Variants in KCNQ1 observed in about 807,000 individuals in gnomAD.
The protein encoded by KCNQ1 is potassium voltage-gated channel subfamily Q member 1, also known as potassium voltage-gated channel subfamily KQT member 1.
Under a neutral mutation model 72.4 loss-of-function variants are expected in KCNQ1, and 49 were observed. The observed-to-expected ratio is 0.68, with a 90% confidence interval of 0.54 to 0.86. KCNQ1 has a LOEUF of 0.86. KCNQ1 is among the 40% of genes least tolerant of loss of function. The pLI is 0.00. For synonymous variants in KCNQ1, 450 were observed against 412.6 expected, an observed-to-expected ratio of 1.09 and a Z score of -1.10; for missense variants, 790 against 945.1, an observed-to-expected ratio of 0.84 and a Z score of 2.15.
chr11:2,662,470 G>T (rs1012630863), intron 11 of KCNQ1: 15 of 469,154 alleles, frequency 3.2e-5, no homozygotes, highest in Non-Finnish European at 5.6e-5. Flanking sequence ...GATGCCGGGT[G>T]CAGTCTGCCA....
Position 2,682,301 on chromosome 11 carries a change from C to T in KCNQ1, c.1514+20220C>T, listed in dbSNP as rs1590029170. On this transcript the variant is annotated intron_variant, in intron 11 of 15. Transcript: ENST00000155840. The surrounding 1 kb of genome is among the most constrained non-coding windows in gnomAD (Gnocchi z 5.8). ...GGGCTGTAAAAAATCACATACCTCC[C>T]CTCCCATTCTTAATGTGTAACTGTG... 2.5e-6 allele frequency: 1 copy of T among 398,636 alleles called. No individual in the cohort carries two copies. Among genetic ancestry groups the T allele is most frequent in the Non-Finnish European group, 4.4e-6 (1 of 226,078 alleles). 24.7% of individuals were successfully genotyped at this position (398,636 alleles called of 1,614,324 possible).
rs1848928221 is a variant in KCNQ1, at chr11:2,608,899, C to T, written c.1393+20045C>T. On this transcript the variant is annotated intron_variant, in intron 10 of 15. Transcript: ENST00000155840. The surrounding 1 kb of genome is among the most constrained non-coding windows in gnomAD (Gnocchi z 4.6). The stretch of plus-strand genomic sequence containing the variant: ...ACTTCCCTCTCTGTCTTTCCTCCTC[C>T]CCCTCTTTCTTCCTCCCCTTCTTTT... 2.5e-6 allele frequency: 1 copy of T among 398,278 alleles called. No homozygotes were observed. Among genetic ancestry groups the T allele is most frequent in the Non-Finnish European group, 4.4e-6 (1 of 226,000 alleles). The allele number at this position is 398,278 out of a possible 1,614,324, so 24.7% of individuals were successfully genotyped here. A position where few individuals can be genotyped will look rare whatever the true frequency, so the allele number is the denominator to read the frequency against.
chr11:2,646,869 T>C, intron 10 of KCNQ1: 1 of 398,678 alleles, frequency 2.5e-6, no homozygotes, highest in Non-Finnish European at 4.4e-6. Context: ...TGAATTCCTT[T>C]ACCAGTTCTA....
At chr11:2,714,077 C>G (rs531425692) in intron 11 of KCNQ1, among the ~76,000 whole-genome samples, 2 of 152,110 alleles carry the variant, frequency 1.3e-5, no homozygotes, top group African/African-American at 4.8e-5. Flanking sequence ...GCCAAGGATG[C>G]GGGCCAGGAC....
chr11:2,740,002 T>G (rs897157447), intron 11 of KCNQ1, among the ~76,000 whole-genome samples: 2 of 152,232 alleles, frequency 1.3e-5, no homozygotes, highest in African/African-American at 4.8e-5. Context: ...AGGCTCCTTG[T>G]GGAGCTGTGC....
rs1849885605 is a variant in KCNQ1, at chr11:2,658,157, C to T, written c.1394-3804C>T. ...TAAAACTACCACAGCAATTAAAATA[C>T]ATTTCAAGGAAGAAACTGTGAAGTT... is the stretch of plus-strand genomic sequence containing the variant. On this transcript the variant is annotated intron_variant, in intron 10 of 15. Coordinates refer to ENST00000155840, the MANE Select transcript of KCNQ1 (RefSeq NM_000218.3). This position sits in a 1 kb window ranked among gnomAD's most constrained non-coding sequence, Gnocchi z 4.9. 4 of 398,468 alleles carry T rather than the reference C, an allele frequency of 1.0e-5. No homozygotes were observed. Among genetic ancestry groups the T allele is most frequent in the Non-Finnish European group, 1.8e-5 (4 of 226,044 alleles). The allele number at this position is 398,468 out of a possible 1,614,324, so 24.7% of individuals were successfully genotyped here.
chr11:2,618,114 G>A (rs999744756), intron 10 of KCNQ1: 11 of 398,276 alleles, frequency 2.8e-5, no homozygotes, highest in African/African-American at 4.1e-5. Flanking sequence ...GAGCCATGTC[G>A]AGCTTTTCCC....
At chr11:2,771,354 C>T (rs998041274) in intron 12 of KCNQ1, 6 of 152,234 alleles carry the variant, frequency 3.9e-5, no homozygotes, top group Non-Finnish European at 7.3e-5. Context: ...ATAATAACTA[C>T]CATGGCTTCC....
chr11:2,498,821 A>C lies in KCNQ1; in HGVS notation c.387-29107A>C, dbSNP rs756573552. 6.6e-6 allele frequency among the ~76,000 whole-genome samples: 1 copy of C among 152,260 alleles called. No individual in the cohort carries two copies. Among genetic ancestry groups the C allele is most frequent in the African/African-American group, 2.4e-5 (1 of 41,476 alleles). On this transcript the variant is annotated intron_variant, in intron 1 of 15. Transcript: ENST00000155840. The surrounding 1 kb of genome is among the most constrained non-coding windows in gnomAD (Gnocchi z 4.8). ...CCCAGGGCCCTGGTGGTATAGGCAC[A>C]TGAAGGAGTCTCCTGATCTGCAGAT...
Position 2,781,875 on chromosome 11 carries a change from C to G in KCNQ1, c.1794+3838C>G, listed in dbSNP as rs1590085331. Among the ~76,000 whole-genome samples, 2 of 152,138 alleles carry G rather than the reference C, an allele frequency of 1.3e-5. No homozygotes were observed. Among genetic ancestry groups the G allele is most frequent in the African/African-American group, 4.8e-5 (2 of 41,426 alleles). The stretch of plus-strand genomic sequence containing the variant: ...GCGTTGGGCGGGAAGGGGCCCCCAC[C>G]ACCTGACACTCCTTTCACTGCCTCC... On this transcript the variant is annotated intron_variant, in intron 15 of 15. Transcript: ENST00000155840. The surrounding 1 kb of genome is among the most constrained non-coding windows in gnomAD (Gnocchi z 6.6).
intron 11 of KCNQ1, among the ~76,000 whole-genome samples, chr11:2,709,523 C>T (rs1850969958): frequency 6.6e-6 from 1 of 152,076 alleles, no homozygotes; most frequent in African/African-American, 2.4e-5. Flanking sequence ...TTAAAGTGTA[C>T]GATTCAACGG....
intron 1 of KCNQ1, among the ~76,000 whole-genome samples, chr11:2,504,639 C>T (rs1023359086): frequency 7.2e-5 from 11 of 152,232 alleles, no homozygotes; most frequent in African/African-American, 2.6e-4. Flanking sequence ...CACCTGTAAT[C>T]CCAGCTACTT....
Position 2,677,760 on chromosome 11 carries a change from T to G in KCNQ1, c.1514+15679T>G, listed in dbSNP as rs1322544852. The G allele has an allele frequency of 2.5e-6, 1 of 398,478 alleles. No individual in the cohort carries two copies. Among genetic ancestry groups the G allele is most frequent in the Non-Finnish European group, 4.4e-6 (1 of 226,054 alleles). 24.7% of individuals were successfully genotyped at this position (398,478 alleles called of 1,614,324 possible). A position where few individuals can be genotyped will look rare whatever the true frequency, so the allele number is the denominator to read the frequency against. On this transcript the variant is annotated intron_variant, in intron 11 of 15. Coordinates refer to ENST00000155840, the MANE Select transcript of KCNQ1 (RefSeq NM_000218.3). The surrounding 1 kb of genome is among the most constrained non-coding windows in gnomAD (Gnocchi z 4.5). ...GGTCTCCGTTTTCAGTGGATTTACT[T>G]TAAGAGATCCTCCCTTTCCCCCCAT...
At chr11:2,574,879 G>C (rs1488371844) in intron 6 of KCNQ1, among the ~76,000 whole-genome samples, 1 of 152,242 alleles carries the variant, frequency 6.6e-6, no homozygotes, top group Non-Finnish European at 1.5e-5. Flanking sequence ...GAAGGCCCCA[G>C]TGTGGCAGGC....
chr11:2,821,454 G>T (rs751338454), intron 15 of KCNQ1, among the ~76,000 whole-genome samples: 1 of 152,214 alleles, frequency 6.6e-6, no homozygotes, highest in Non-Finnish European at 1.5e-5. Context: ...GGCTGAGGGA[G>T]TCTGGGGACC....
chr11:2,623,202 G>A lies in KCNQ1; in HGVS notation c.1393+34348G>A, dbSNP rs1849203469. 1 of 398,620 alleles carries A rather than the reference G, an allele frequency of 2.5e-6. No homozygotes were observed. The allele number at this position is 398,620 out of a possible 1,614,324, so 24.7% of individuals were successfully genotyped here. On this transcript the variant is annotated intron_variant, in intron 10 of 15. Coordinates refer to ENST00000155840, the MANE Select transcript of KCNQ1 (RefSeq NM_000218.3). The surrounding 1 kb of genome is among the most constrained non-coding windows in gnomAD (Gnocchi z 5.2). ...CCTTTGCCTTCCGCCATGATTTTAAGTTTCTGAGGCCTGCCAGCCATGCTT... is the reference window on the plus strand; with the variant it reads ...CCTTTGCCTTCCGCCATGATTTTAAATTTCTGAGGCCTGCCAGCCATGCTT...
chr11:2,522,956 A>G (rs1418408480), intron 1 of KCNQ1, among the ~76,000 whole-genome samples: 1 of 152,224 alleles, frequency 6.6e-6, no homozygotes, highest in Non-Finnish European at 1.5e-5. Flanking sequence ...ATTCTCCCGC[A>G]ACGCCCAGTC....
rs1846232314 is a variant in KCNQ1 at position 2,458,741 on chromosome 11, G to C, written c.386+13257G>C. ...AGTACAAGTTTACTGGAAATACTCG[G>C]GCCAGAGGAACGCGCTAAATGATAC... On this transcript the variant is annotated intron_variant, in intron 1 of 15. Coordinates refer to ENST00000155840, the MANE Select transcript of KCNQ1 (RefSeq NM_000218.3). This position sits in a 1 kb window ranked among gnomAD's most constrained non-coding sequence, Gnocchi z 4.6. Among the ~76,000 whole-genome samples the C allele has an allele frequency of 6.6e-6, 1 of 152,104 alleles. No homozygotes were observed. Among genetic ancestry groups the C allele is most frequent in the South Asian group, 2.1e-4 (1 of 4,822 alleles).
Position 2,661,651 on chromosome 11 carries a change from C to T in KCNQ1, c.1394-310C>T. 1.7e-6 allele frequency: 1 copy of T among 595,194 alleles called. No individual in the cohort carries two copies. Among genetic ancestry groups the T allele is most frequent in the Non-Finnish European group, 3.0e-6 (1 of 333,866 alleles). The allele number at this position is 595,194 out of a possible 1,614,324, so 36.9% of individuals were successfully genotyped here. A position where few individuals can be genotyped will look rare whatever the true frequency, so the allele number is the denominator to read the frequency against. Reference sequence around the variant, plus strand: ...TCTTGACCCAAGTGTCAGTTGTGAACATGGGAAGAGGCCCAGAACCTGAGG... The same window carrying T: ...TCTTGACCCAAGTGTCAGTTGTGAATATGGGAAGAGGCCCAGAACCTGAGG... On this transcript the variant is annotated intron_variant, in intron 10 of 15. Coordinates refer to ENST00000155840, the MANE Select transcript of KCNQ1 (RefSeq NM_000218.3). The surrounding 1 kb of genome is among the most constrained non-coding windows in gnomAD (Gnocchi z 5.9).
Sources: gnomAD v4.1 joint callset for allele counts (sites outside exome capture counted in the v4.1 genomes callset) on GRCh38, gnomAD v4.1.1 for gene constraint, Gnocchi (gnomAD v3.1) non-coding constraint, MANE v1.5 for transcripts, NCBI Gene and HGNC (gene_info 2026-07-23, HGNC 2026-07-21) for gene names.